The following SH3RF1 variants were observed in gnomAD, a reference collection of about 807,000 sequenced individuals.
The protein encoded by SH3RF1 is E3 ubiquitin-protein ligase SH3RF1.
SH3RF1 carries 32 observed loss-of-function variants against 74.0 expected under a neutral mutation model. That is an observed-to-expected ratio of 0.43 (90% CI 0.33 to 0.58). SH3RF1 has a LOEUF of 0.58. Among genes scored for constraint, SH3RF1 ranks in the 20% least tolerant of loss-of-function variants. SH3RF1 has a pLI of 0.05. For missense variants in SH3RF1, 954 were observed against 1,130.9 expected (o/e 0.84, Z 2.24); for synonymous variants, 396 against 439.6 (o/e 0.90, Z 1.24).
chr4:169,121,139 C>T, intron 7 of SH3RF1, 150 bp from the exon 8 acceptor site: 2 of 668,204 alleles, frequency 3.0e-6, no homozygotes, highest in Non-Finnish European at 5.0e-6. Flanking sequence ...ACTGACAATT[C>T]TCCATTGAAA....
intron 2 of SH3RF1, among the ~76,000 whole-genome samples, chr4:169,173,592 G>A (rs1734366766): frequency 6.6e-6 from 1 of 152,152 alleles, no homozygotes; most frequent in Admixed American, 6.5e-5. Flanking sequence ...CTGAGGAGCT[G>A]GTGATCCTGA....
intron 2 of SH3RF1, among the ~76,000 whole-genome samples, chr4:169,231,551 G>C (rs1293462958): frequency 6.6e-6 from 1 of 152,004 alleles, no homozygotes; most frequent in Admixed American, 6.6e-5. Context: ...GGGTGACACA[G>C]CGAGACTCCG....
intron 4 of SH3RF1, among the ~76,000 whole-genome samples, chr4:169,140,825 T>C (rs1215526108): frequency 6.6e-6 from 1 of 152,130 alleles, no homozygotes; most frequent in Non-Finnish European, 1.5e-5. Flanking sequence ...TTCTGAGCAC[T>C]ACAGGATACA....
chr4:169,179,595 T>C (rs1191492458), intron 2 of SH3RF1, among the ~76,000 whole-genome samples: 3 of 152,144 alleles, frequency 2.0e-5, no homozygotes, highest in Non-Finnish European at 4.4e-5. Flanking sequence ...CTGAAGAACT[T>C]CCCACTCTCT....
chr4:169,149,583 A>T (rs1733944150), intron 4 of SH3RF1, among the ~76,000 whole-genome samples: 1 of 152,226 alleles, frequency 6.6e-6, no homozygotes. Flanking sequence ...AATGTCTTTA[A>T]ATTTCACTTA....
chr4:169,098,250 TA>T (rs1732962848), intron 11 of SH3RF1, among the ~76,000 whole-genome samples: 1 of 152,248 alleles, frequency 6.6e-6, no homozygotes, highest in Admixed American at 6.5e-5. Flanking sequence ...TAGTCAGTCA[TA>T]AAGTTGATTT....
chr4:169,104,067 G>A (rs1056522880), intron 11 of SH3RF1, among the ~76,000 whole-genome samples: 8 of 152,094 alleles, frequency 5.3e-5, no homozygotes, highest in African/African-American at 1.4e-4. Flanking sequence ...TGTTAGAAAG[G>A]AGCCCCTCTA....
chr4:169,177,983 G>A (rs746341118), intron 2 of SH3RF1, among the ~76,000 whole-genome samples: 10 of 151,896 alleles, frequency 6.6e-5, no homozygotes, highest in African/African-American at 1.7e-4. Context: ...GGTTGGGCAC[G>A]GTGGCTCATG....
chr4:169,231,837 T>C (rs1030771515), intron 2 of SH3RF1, among the ~76,000 whole-genome samples: 6 of 152,236 alleles, frequency 3.9e-5, no homozygotes, highest in African/African-American at 1.4e-4. Flanking sequence ...TGTCAGGTAC[T>C]GTTTGACATT....
chr4:169,179,755 T>C (rs943587997), intron 2 of SH3RF1, among the ~76,000 whole-genome samples: 6 of 152,238 alleles, frequency 3.9e-5, no homozygotes, highest in African/African-American at 7.2e-5. Flanking sequence ...TTGAACTACA[T>C]TTGCTTCCAA....
chr4:169,145,191 A>T (rs10003926), intron 4 of SH3RF1, among the ~76,000 whole-genome samples: 30,190 of 152,168 alleles, frequency 0.2, 3,140 homozygotes, highest in African/African-American at 0.27. Flanking sequence ...CTGAGTGTCC[A>T]TCAACGGTCT....
In SH3RF1 at chr4:169,130,093, G is replaced by C; in HGVS notation, c.1132C>G (p.Pro378Ala). The C allele has an allele frequency of 2.5e-6, 4 of 1,612,926 alleles. No homozygotes were observed. The highest frequency in any genetic ancestry group is 1.1e-5 in the South Asian group (1 of 90,978). Residue 378 changes from proline (P) to alanine (A), a missense_variant, in exon 6 of 12, where the codon CCC becomes GCC. Pro to Ala is a conservative substitution (Grantham distance 27). Coordinates refer to ENST00000284637, the MANE Select transcript of SH3RF1 (RefSeq NM_020870.4). ...PPPSSPVTTG[P>A]SFTFPSDVPY... is the part of the protein sequence containing the mutation. ...ACATCTGATGGGAAAGTAAACGAGGGGCCAGTTGTCACTGGGCTGCTTGGG... is the reference window on the plus strand; with the variant it reads ...ACATCTGATGGGAAAGTAAACGAGGCGCCAGTTGTCACTGGGCTGCTTGGG...
chr4:169,173,039 A>G (rs1259224162), intron 2 of SH3RF1, among the ~76,000 whole-genome samples: 1 of 152,244 alleles, frequency 6.6e-6, no homozygotes, highest in Non-Finnish European at 1.5e-5. Flanking sequence ...TAAATAGAGT[A>G]TCTTGTTTAC....
rs1450244678 is a variant in SH3RF1 at position 169,120,843 on chromosome 4, C to A, written c.1493G>T (p.Gly498Val). The change falls in exon 8 of 12, where the codon GGC becomes GTC. Residue 498 changes from glycine (G) to valine (V), a missense_variant. By Grantham distance (109) the Gly-to-Val change is moderately radical (BLOSUM62 -3). Around this residue, in one of 3 missense-constraint regions of SH3RF1, gnomAD observed 854 missense variants for 962.5 expected, o/e 0.89. Coordinates refer to ENST00000284637, the MANE Select transcript of SH3RF1 (RefSeq NM_020870.4). ...CCTTGTGACTGGTGCCACATAATTG[C>A]CAGGGAAAACCCCTATCTTGCTGGT... ...MHTSKIGVFPGNYVAPVTRAV... is the reference protein window; with the variant it reads ...MHTSKIGVFPVNYVAPVTRAV... 1.2e-6 allele frequency: 2 copies of A among 1,614,146 alleles called. No homozygotes were observed. Among genetic ancestry groups the A allele is most frequent in the South Asian group, 1.1e-5 (1 of 91,074 alleles).
At position 169,265,000 on chromosome 4, in the gene SH3RF1, A is replaced by G. The variant is rs182773936; in HGVS notation, c.393+3820T>C. ...ATCTCAGCTCAGATGCCTCTTCCTC[A>G]GGAAGCTTTTGAAGATCACACACAC... On this transcript the variant is annotated intron_variant, in intron 2 of 11. Coordinates refer to ENST00000284637, the MANE Select transcript of SH3RF1 (RefSeq NM_020870.4). 4.2e-3 allele frequency among the ~76,000 whole-genome samples: 638 copies of G among 152,338 alleles called. 4 individuals are homozygous for G. Among genetic ancestry groups the G allele is most frequent in the African/African-American group, 0.014 (567 of 41,572 alleles).
chr4:169,181,257 CTTTTTTTTTTT>C (rs397878328), intron 2 of SH3RF1, among the ~76,000 whole-genome samples: 1 of 103,390 alleles, frequency 9.7e-6, no homozygotes, highest in African/African-American at 4.1e-5. Context: ...TTGGGAAAGC[CTTTTTTTTTTT>C]TTTTTTTTTT....
At chr4:169,224,825 C>T (rs1396159594) in intron 2 of SH3RF1, among the ~76,000 whole-genome samples, 2 of 152,086 alleles carry the variant, frequency 1.3e-5, no homozygotes, top group Non-Finnish European at 2.9e-5. Context: ...TGTGGCTTCA[C>T]CTAGCTAGAG....
At chr4:169,212,881 G>A (rs1406252401) in intron 2 of SH3RF1, among the ~76,000 whole-genome samples, 3 of 152,100 alleles carry the variant, frequency 2.0e-5, no homozygotes, top group Non-Finnish European at 2.9e-5. Context: ...TTAACTTCTG[G>A]CAACCACTGA....
intron 2 of SH3RF1, among the ~76,000 whole-genome samples, chr4:169,178,341 CAACTATGCTT>C (rs1734456629): frequency 1.3e-5 from 2 of 149,820 alleles, no homozygotes; most frequent in African/African-American, 4.9e-5. Flanking sequence ...AAAAAATAAG[CAACTATGCTT>C]ATTTAAAAAA....
Sources: allele counts gnomAD v4.1 joint callset (sites outside exome capture counted in the v4.1 genomes callset), GRCh38; gene constraint gnomAD v4.1.1; regional missense constraint gnomAD v4.1.1; transcripts MANE v1.5; gene names NCBI Gene and HGNC (gene_info 2026-07-23, HGNC 2026-07-21).